KNDC1: variants seen among roughly 807,000 people sequenced by gnomAD.
KNDC1 encodes the protein kinase non-catalytic C-lobe domain-containing protein 1.
In KNDC1, 106 loss-of-function variants were observed where a neutral mutation model predicts 172.8. That is an observed-to-expected ratio of 0.61 (90% CI 0.52 to 0.72). KNDC1 has a LOEUF of 0.72. Ranked by LOEUF, KNDC1 falls within the 30% of genes least tolerant of loss-of-function variation. KNDC1 has a pLI of 0.00. For synonymous variants in KNDC1, 1,083 were observed against 1,062.2 expected (o/e 1.02, Z -0.38); for missense variants, 2,325 against 2,394.5 (o/e 0.97, Z 0.61).
At chr10:133,167,360 G>A (rs759825925) in intron 1 of KNDC1, 21 bp from the exon 2 acceptor site, 53 of 1,548,910 alleles carry the variant, frequency 3.4e-5, no homozygotes, top group Non-Finnish European at 4.0e-5. Context: ...CCGGGCTCAC[G>A]GCCAGGGCCG....
intron 3 of KNDC1, chr10:133,173,781 C>T (rs1226676640): frequency 6.6e-6 from 1 of 152,248 alleles, no homozygotes; most frequent in Non-Finnish European, 1.5e-5. Flanking sequence ...CAGCGCTTGC[C>T]TTTGGTGGCT....
intron 24 of KNDC1, 106 bp downstream of exon 24, chr10:133,213,028 C>A: frequency 9.7e-7 from 1 of 1,026,386 alleles, no homozygotes; most frequent in Non-Finnish European, 1.4e-6. Flanking sequence ...AACAGACGGG[C>A]AGAGAAGGGG....
At chr10:133,180,089 G>A (rs1853671165) in intron 3 of KNDC1, among the ~76,000 whole-genome samples, 1 of 152,214 alleles carries the variant, frequency 6.6e-6, no homozygotes, top group Admixed American at 6.5e-5. Flanking sequence ...TGACCCCCAG[G>A]GAACTCACTC....
chr10:133,169,867 C>A (rs1177104355), intron 3 of KNDC1, among the ~76,000 whole-genome samples: 1 of 152,248 alleles, frequency 6.6e-6, no homozygotes, highest in Non-Finnish European at 1.5e-5. Context: ...TGGACATGAC[C>A]TCAGCCCAGG....
At chr10:133,208,510 A>C (rs1318908951) in intron 20 of KNDC1, among the ~76,000 whole-genome samples, 2 of 30,664 alleles carry the variant, frequency 6.5e-5, no homozygotes, top group Admixed American at 4.4e-4. Context: ...CCGTTACCCC[A>C]AGGACCCTCT....
chr10:133,203,217 C>T (rs12781028), intron 17 of KNDC1, among the ~76,000 whole-genome samples: 2 of 75,236 alleles, frequency 2.7e-5, no homozygotes, highest in South Asian at 4.6e-4. Flanking sequence ...AAACGCACGG[C>T]GTCCAGTGGG....
At chr10:133,178,300 C>CA in intron 3 of KNDC1, among the ~76,000 whole-genome samples, 1 of 152,310 alleles carries the variant, frequency 6.6e-6, no homozygotes. Context: ...GATTGATCCT[C>CA]AGTCTTTGGG....
chr10:133,174,244 G>C (rs753701209), intron 3 of KNDC1: 9 of 152,316 alleles, frequency 5.9e-5, no homozygotes, highest in Non-Finnish European at 1.0e-4. Context: ...AGAGGCCACT[G>C]TGAGAAGGTG....
At chr10:133,168,154 G>T in intron 2 of KNDC1, 100 bp from the exon 3 acceptor site, 1 of 1,045,078 alleles carries the variant, frequency 9.6e-7, no homozygotes, top group South Asian at 1.3e-5. Flanking sequence ...TGCGGGGAGG[G>T]AACCTGGGGC....
chr10:133,183,556 G>A, intron 4 of KNDC1, 66 bp downstream of exon 4: 1 of 1,489,078 alleles, frequency 6.7e-7, no homozygotes, highest in Non-Finnish European at 9.0e-7. Flanking sequence ...GACACCGTGT[G>A]CTCACCACAC....
At chr10:133,196,909 G>C (rs953302400) in intron 10 of KNDC1, 149 bp from the exon 11 acceptor site, 4 of 637,646 alleles carry the variant, frequency 6.3e-6, no homozygotes, top group Admixed American at 5.2e-5. Context: ...AGAAAGGCTT[G>C]TCCGGGGCCT....
chr10:133,221,837 G>C (rs1845595412), intron 29 of KNDC1, among the ~76,000 whole-genome samples: 1 of 115,204 alleles, frequency 8.7e-6, no homozygotes, highest in Admixed American at 9.1e-5. Flanking sequence ...AGGTAGGCCG[G>C]GCTGGGTGCA....
In KNDC1 at chr10:133,198,959, G is replaced by A. The variant is rs751306198; in HGVS notation, c.2451G>A (p.Gly817=). ...GGGGCCTCAGGCCCGACGCCCTGGG[G>A]CCCACCACGGCCCACCACGGCCCAC... is the stretch of plus-strand genomic sequence containing the variant. ...ASGGLRPDAL[G]PTTAHHGPRH... The change falls in exon 14 of 30, where the codon GGG becomes GGA. Residue 817 remains glycine (G), a synonymous_variant. Coordinates refer to ENST00000304613, the MANE Select transcript of KNDC1 (RefSeq NM_152643.8). 5.9e-6 allele frequency: 9 copies of A among 1,514,114 alleles called. No homozygotes were observed. The highest frequency in any genetic ancestry group is 3.7e-5 in the South Asian group (3 of 81,034). 93.8% of individuals were successfully genotyped at this position (1,514,114 alleles called of 1,614,324 possible). A position where few individuals can be genotyped will look rare whatever the true frequency, so the allele number is the denominator to read the frequency against.
chr10:133,173,194 G>A (rs1853427742), intron 3 of KNDC1, among the ~76,000 whole-genome samples: 1 of 152,152 alleles, frequency 6.6e-6, no homozygotes, highest in Admixed American at 6.5e-5. Flanking sequence ...GTCTCACTAG[G>A]GGTTTAGTTC....
In KNDC1 at chr10:133,186,518, C is replaced by T. The variant is rs745421402; in HGVS notation, c.1170C>T (p.Pro390=). ...GRSTDRGPGV[P]GSPGQPETSH... ...GCACGGACAGGGGCCCTGGGGTGCC[C>T]GGCAGTCCAGGACAGCCCGAGACTT... is the stretch of plus-strand genomic sequence containing the variant. Residue 390 remains proline, a synonymous_variant, in exon 6 of 30, where the codon CCC becomes CCT. Coordinates refer to ENST00000304613, the MANE Select transcript of KNDC1 (RefSeq NM_152643.8). 32 of 1,612,038 alleles carry T rather than the reference C, an allele frequency of 2.0e-5. No homozygotes were observed. Among genetic ancestry groups the T allele is most frequent in the Non-Finnish European group, 2.5e-5 (29 of 1,179,788 alleles).
chr10:133,189,543 C>T, intron 7 of KNDC1, 55 bp from the exon 8 acceptor site: 1 of 1,557,838 alleles, frequency 6.4e-7, no homozygotes. Flanking sequence ...TCCCCCCAGC[C>T]AGCCCCAAGT....
chr10:133,170,715 A>G (rs1853350477), intron 3 of KNDC1, among the ~76,000 whole-genome samples: 1 of 152,252 alleles, frequency 6.6e-6, no homozygotes, highest in Admixed American at 6.5e-5. Flanking sequence ...AAAATTAGTG[A>G]GAAGAGTGGC....
At chr10:133,215,635 G>C (rs1202586642) in intron 26 of KNDC1, among the ~76,000 whole-genome samples, 1 of 152,268 alleles carries the variant, frequency 6.6e-6, no homozygotes, top group African/African-American at 2.4e-5. Context: ...CACAAGGACA[G>C]GTGGCTGTCA....
intron 17 of KNDC1, chr10:133,202,471 C>A: frequency 2.5e-6 from 1 of 394,630 alleles, no homozygotes; most frequent in Non-Finnish European, 5.1e-6. Context: ...GCTCTGGACG[C>A]AAGGTGGGAC....
Sources: allele counts gnomAD v4.1 joint callset (sites outside exome capture counted in the v4.1 genomes callset), GRCh38; gene constraint gnomAD v4.1.1; transcripts MANE v1.5; gene names NCBI Gene and HGNC (gene_info 2026-07-23, HGNC 2026-07-21).